The following NAA15 variants were observed in gnomAD, a reference collection of about 807,000 sequenced individuals.
The protein encoded by NAA15 is N-terminal acetyltransferase.
In NAA15, 34 loss-of-function variants were observed where a neutral mutation model predicts 114.0. The ratio of observed to expected loss-of-function variants is 0.30; its 90% CI spans 0.23 to 0.40. The LOEUF (loss-of-function observed/expected upper bound fraction) is 0.40, where lower values mean the gene tolerates loss of function less well. Among genes scored for constraint, NAA15 ranks in the 10% least tolerant of loss-of-function variants. The probability of loss-of-function intolerance (pLI) is 1.00; values close to 1 mark genes in which losing one functional copy is unlikely to be tolerated. For missense variants in NAA15, 658 were observed against 1,004.5 expected, an observed-to-expected ratio of 0.66 and a Z score of 4.66; for synonymous variants, 340 against 338.0, an observed-to-expected ratio of 1.01 and a Z score of -0.06.
chr4:139,321,819 T>C (rs1282642904), intron 1 of NAA15, among the ~76,000 whole-genome samples: 1 of 152,032 alleles, frequency 6.6e-6, no homozygotes, highest in Non-Finnish European at 1.5e-5. Flanking sequence ...GTGTTTTGCT[T>C]TAAATCCTTT....
chr4:139,321,618 C>T (rs1466361582), intron 1 of NAA15, among the ~76,000 whole-genome samples: 1 of 150,736 alleles, frequency 6.6e-6, no homozygotes, highest in Non-Finnish European at 1.5e-5. Context: ...ACTACAGGCA[C>T]CCGCCACCAC....
intron 15 of NAA15, among the ~76,000 whole-genome samples, chr4:139,371,244 A>G (rs1012425090): frequency 6.6e-6 from 1 of 152,192 alleles, no homozygotes; most frequent in East Asian, 1.9e-4. Context: ...GTTGGAGAAT[A>G]TGTTTTGAAT....
chr4:139,354,951 A>G (rs1025152556), intron 10 of NAA15, among the ~76,000 whole-genome samples: 1 of 152,172 alleles, frequency 6.6e-6, no homozygotes, highest in African/African-American at 2.4e-5. Flanking sequence ...ATCTCAGTTC[A>G]CTGTAACCTC....
intron 1 of NAA15, among the ~76,000 whole-genome samples, chr4:139,308,532 A>T (rs1746102498): frequency 1.3e-5 from 2 of 152,268 alleles, no homozygotes; most frequent in African/African-American, 4.8e-5. Flanking sequence ...TATAACAAAA[A>T]ATCAAAAAAT....
At chr4:139,362,033 C>A in intron 14 of NAA15, 96 bp downstream of exon 14, 1 of 757,582 alleles carries the variant, frequency 1.3e-6, no homozygotes. Context: ...ATGTCTTGAG[C>A]ACCACGAGGA....
chr4:139,376,564 G>A (rs1487009136), intron 16 of NAA15, 91 bp downstream of exon 16: 3 of 789,368 alleles, frequency 3.8e-6, no homozygotes, highest in Non-Finnish European at 4.3e-6. Context: ...ACCACTGTAC[G>A]ATTATTTAGC....
chr4:139,362,890 A>AT (rs533706884), intron 14 of NAA15, among the ~76,000 whole-genome samples: 13 of 151,584 alleles, frequency 8.6e-5, no homozygotes, highest in South Asian at 2.1e-4. Context: ...AGTGTGTTTA[A>AT]TTTTTTTTTC....
At position 139,311,592 on chromosome 4, in the gene NAA15, T is replaced by C. The variant is rs895497780; in HGVS notation, c.54+9761T>C. Among the ~76,000 whole-genome samples, 3 of 151,904 alleles carry C rather than the reference T, an allele frequency of 2.0e-5. 1 individual carries two copies. Among genetic ancestry groups the C allele is most frequent in the Admixed American group, 6.6e-5 (1 of 15,240 alleles). On this transcript the variant is annotated intron_variant, in intron 1 of 19. Coordinates refer to ENST00000296543, the MANE Select transcript of NAA15 (RefSeq NM_057175.5). ...GCATAATAAGAGGAAAATTTTGTTA[T>C]TGTTTCTTTGGTTTTGGCATTGGAG...
rs1749034512 is a variant in NAA15, at chr4:139,390,575, G to C, written c.*2491G>C. On this transcript the variant is annotated 3_prime_UTR_variant, in exon 20 of 20. Transcript: ENST00000296543. Reference sequence around the variant, plus strand: ...GAACTGGTGTTACCAACCCTTTTGAGAAGAAAGGGTCTCTTGACCTGTATT... The same window carrying C: ...GAACTGGTGTTACCAACCCTTTTGACAAGAAAGGGTCTCTTGACCTGTATT... 1 of 152,656 alleles carries C rather than the reference G, an allele frequency of 6.6e-6. No homozygotes were observed. The highest frequency in any genetic ancestry group is 1.5e-5 in the Non-Finnish European group (1 of 68,034). The allele number at this position is 152,656 out of a possible 1,614,324, so 9.5% of individuals were successfully genotyped here. A position where few individuals can be genotyped will look rare whatever the true frequency, so the allele number is the denominator to read the frequency against.
chr4:139,377,488 A>G (rs938595403), intron 16 of NAA15, among the ~76,000 whole-genome samples: 8 of 152,068 alleles, frequency 5.3e-5, no homozygotes, highest in African/African-American at 1.9e-4. Flanking sequence ...TGGTGAGCCT[A>G]GATCACGCCA....
intron 14 of NAA15, among the ~76,000 whole-genome samples, chr4:139,365,749 G>A (rs1748261920): frequency 6.6e-6 from 1 of 152,132 alleles, no homozygotes; most frequent in Non-Finnish European, 1.5e-5. Context: ...TACTCAGGAG[G>A]CAGGAGTGGA....
chr4:139,362,781 T>C (rs1748171730), intron 14 of NAA15, among the ~76,000 whole-genome samples: 1 of 152,066 alleles, frequency 6.6e-6, no homozygotes. Flanking sequence ...TAGACAGTTA[T>C]TTGGGACAGA....
At chr4:139,370,557 T>G (rs952437589) in intron 15 of NAA15, among the ~76,000 whole-genome samples, 153 bp downstream of exon 15, 1 of 152,196 alleles carries the variant, frequency 6.6e-6, no homozygotes, top group Non-Finnish European at 1.5e-5. Context: ...TCTTTAATAT[T>G]TTGTTTCTGA....
chr4:139,386,267 TAAC>T (rs772646412), intron 19 of NAA15, 37 bp downstream of exon 19: 7 of 1,170,760 alleles, frequency 6.0e-6, no homozygotes, highest in Non-Finnish European at 8.8e-6. Context: ...TAAGAATACT[TAAC>T]TACTTTTTTC....
intron 3 of NAA15, among the ~76,000 whole-genome samples, chr4:139,339,152 G>A (rs1747297232): frequency 6.6e-6 from 1 of 152,096 alleles, no homozygotes; most frequent in Admixed American, 6.5e-5. Flanking sequence ...AACGTTATAA[G>A]TTTCTGGAAA....
chr4:139,317,377 AC>A (rs1246018030), intron 1 of NAA15, among the ~76,000 whole-genome samples: 2 of 152,082 alleles, frequency 1.3e-5, no homozygotes, highest in Admixed American at 1.3e-4. Flanking sequence ...TAATCCCAGC[AC>A]TTTGGGCGGC....
rs1749023779 is a variant in NAA15, at chr4:139,390,330, A to G, written c.*2246A>G. The G allele has an allele frequency of 6.6e-6, 1 of 152,652 alleles. No individual in the cohort carries two copies. The allele number at this position is 152,652 out of a possible 1,614,324, so 9.5% of individuals were successfully genotyped here. ...ACTTGATAGTGGATACATTGGTGTCAGAGGACCTTGACTGGGTTCATTTTA... is the reference window on the plus strand; with the variant it reads ...ACTTGATAGTGGATACATTGGTGTCGGAGGACCTTGACTGGGTTCATTTTA... On this transcript the variant is annotated 3_prime_UTR_variant, in exon 20 of 20. Coordinates refer to ENST00000296543, the MANE Select transcript of NAA15 (RefSeq NM_057175.5).
chr4:139,381,154 T>C (rs1280028808), intron 17 of NAA15, among the ~76,000 whole-genome samples: 1 of 152,184 alleles, frequency 6.6e-6, no homozygotes, highest in African/African-American at 2.4e-5. Context: ...ACAATGTTAT[T>C]ACTAAATGCT....
intron 1 of NAA15, among the ~76,000 whole-genome samples, chr4:139,305,425 A>G (rs1182260929): frequency 6.6e-6 from 1 of 152,020 alleles, no homozygotes; most frequent in African/African-American, 2.4e-5. Flanking sequence ...TTTGATAGTA[A>G]GTTAGTGCTT....
Sources: allele counts gnomAD v4.1 joint callset (sites outside exome capture counted in the v4.1 genomes callset), GRCh38; gene constraint gnomAD v4.1.1; transcripts MANE v1.5; gene names NCBI Gene and HGNC (gene_info 2026-07-23, HGNC 2026-07-21).